RAB1A: variants seen among roughly 807,000 people sequenced by gnomAD.
RAB1A encodes ras-related protein Rab-1A.
In RAB1A, 2 loss-of-function variants were observed where a neutral mutation model predicts 26.0. That is an observed-to-expected ratio of 0.08 (90% CI 0.03 to 0.24). The LOEUF is 0.24. Among genes scored for constraint, RAB1A ranks in the 10% least tolerant of loss-of-function variants. The probability of loss-of-function intolerance (pLI) is 1.00; values close to 1 mark genes in which losing one functional copy is unlikely to be tolerated. For synonymous variants in RAB1A, 84 were observed against 84.9 expected, an observed-to-expected ratio of 0.99 and a Z score of 0.06; for missense variants, 100 against 247.0, an observed-to-expected ratio of 0.40 and a Z score of 3.99.
intron 2 of RAB1A, among the ~76,000 whole-genome samples, chr2:65,104,018 T>A (rs1461372527): frequency 6.6e-6 from 1 of 152,122 alleles, no homozygotes; most frequent in Admixed American, 6.5e-5. Flanking sequence ...GACCTTGTGA[T>A]CCGCCCGTCT....
chr2:65,100,915 G>C (rs1034373643), intron 2 of RAB1A, among the ~76,000 whole-genome samples: 2 of 151,994 alleles, frequency 1.3e-5, no homozygotes, highest in Non-Finnish European at 2.9e-5. Context: ...GGGAGCAGAG[G>C]TGCACATATC....
intron 3 of RAB1A, 56 bp downstream of exon 3, chr2:65,097,910 AACAAT>A (rs1463411852): frequency 6.3e-6 from 6 of 945,198 alleles, no homozygotes; most frequent in South Asian, 3.3e-5. Context: ...TATACAAAAT[AACAAT>A]ACATTACAAA....
At position 65,112,412 on chromosome 2, in the gene RAB1A, G is replaced by T. The variant is rs1331702469; in HGVS notation, c.24-7606C>A. 2.0e-5 allele frequency among the ~76,000 whole-genome samples: 3 copies of T among 152,082 alleles called. No homozygotes were observed. In the East Asian group the frequency reaches 5.8e-4, roughly 29 times the overall value. On this transcript the variant is annotated intron_variant, in intron 1 of 5. Transcript: ENST00000409784. ...TCCACCTGCCTCAGCCTCCCAAAGT[G>T]TTGGGATTATAGGCATAAGCCACCG...
chr2:65,088,556 A>C lies in RAB1A; in HGVS notation c.555T>G (p.Ala185=), dbSNP rs1164944011. The C allele has an allele frequency of 6.2e-7, 1 of 1,613,666 alleles. No individual in the cohort carries two copies. The highest frequency in any genetic ancestry group is 8.5e-7 in the Non-Finnish European group (1 of 1,179,784). ...TCTGAATTTTAACATTGGACTTCTCAGCACCACCAGCTGTTGCTCCGGGAC... is the reference window on the plus strand; with the variant it reads ...TCTGAATTTTAACATTGGACTTCTCCGCACCACCAGCTGTTGCTCCGGGAC... ...RMGPGATAGG[A]EKSNVKIQST... The change falls in exon 6 of 6, where the codon GCT becomes GCG. Residue 185 remains alanine (A), a synonymous_variant. Coordinates refer to ENST00000409784, the MANE Select transcript of RAB1A (RefSeq NM_004161.5).
At chr2:65,118,288 A>G (rs1052499315) in intron 1 of RAB1A, among the ~76,000 whole-genome samples, 3 of 152,178 alleles carry the variant, frequency 2.0e-5, no homozygotes, top group African/African-American at 7.2e-5. Flanking sequence ...CCGTAAACAT[A>G]TTACAATATT....
chr2:65,128,500 CACT>C (rs1294280209), intron 1 of RAB1A, among the ~76,000 whole-genome samples: 2 of 152,166 alleles, frequency 1.3e-5, no homozygotes, highest in Non-Finnish European at 2.9e-5. Context: ...CAGCAAATGT[CACT>C]ACAAGAACAC....
chr2:65,101,929 A>G (rs1192646189), intron 2 of RAB1A, among the ~76,000 whole-genome samples: 1 of 151,714 alleles, frequency 6.6e-6, no homozygotes, highest in African/African-American at 2.4e-5. Flanking sequence ...TTGTATTTTT[A>G]GTAGAGACAG....
At position 65,098,052 on chromosome 2, in the gene RAB1A, T is replaced by C. The variant is rs762591656; in HGVS notation, c.111A>G (p.Thr37=). Residue 37 remains threonine, a synonymous_variant, in exon 3 of 6, where the codon ACA becomes ACG. Transcript: ENST00000409784. ...LLLRFADDTY[T]ESYISTIGVD... ...CACCAATTGTGCTGATGTAGCTTTC[T>C]GTATATGTATCATCCTGAAGGGGGA... 3 of 1,552,598 alleles carry C rather than the reference T, an allele frequency of 1.9e-6. No individual in the cohort carries two copies. The highest frequency in any genetic ancestry group is 2.6e-6 in the Non-Finnish European group (3 of 1,140,780).
intron 1 of RAB1A, among the ~76,000 whole-genome samples, chr2:65,124,236 G>A (rs1186924897): frequency 6.6e-6 from 1 of 151,992 alleles, no homozygotes; most frequent in Non-Finnish European, 1.5e-5. Flanking sequence ...TGCCTGCCTC[G>A]GCCTCCCAAA....
At chr2:65,110,737 C>G (rs1669675793) in intron 1 of RAB1A, among the ~76,000 whole-genome samples, 2 of 151,528 alleles carry the variant, frequency 1.3e-5, no homozygotes, top group Non-Finnish European at 2.9e-5. Flanking sequence ...AGTTCAAGAC[C>G]AGCCTGAGCA....
chr2:65,118,164 A>G (rs886220046), intron 1 of RAB1A, among the ~76,000 whole-genome samples: 5 of 152,166 alleles, frequency 3.3e-5, no homozygotes, highest in African/African-American at 1.2e-4. Context: ...AGTGTTCTGG[A>G]GTCCTTCTGG....
chr2:65,112,206 C>T (rs1050194653), intron 1 of RAB1A, among the ~76,000 whole-genome samples: 3 of 148,730 alleles, frequency 2.0e-5, no homozygotes, highest in Non-Finnish European at 4.4e-5. Context: ...AGTGCAATGG[C>T]ATTATCTCAG....
intron 2 of RAB1A, among the ~76,000 whole-genome samples, chr2:65,100,605 C>T (rs1351291236): frequency 6.6e-6 from 1 of 150,786 alleles, no homozygotes; most frequent in East Asian, 2.0e-4. Context: ...ACTAAAAATA[C>T]AAAAAATTAG....
chr2:65,101,437 GTC>G (rs1363735524), intron 2 of RAB1A, among the ~76,000 whole-genome samples: 10 of 151,996 alleles, frequency 6.6e-5, no homozygotes, highest in Non-Finnish European at 2.9e-5. Context: ...CCTCACGATT[GTC>G]TCTATTAATA....
intron 2 of RAB1A, among the ~76,000 whole-genome samples, chr2:65,103,156 A>G (rs1449021332): frequency 6.6e-6 from 1 of 151,930 alleles, no homozygotes; most frequent in Non-Finnish European, 1.5e-5. Flanking sequence ...TCACTACAAA[A>G]AAATACAAAA....
At chr2:65,100,272 G>A (rs1363657300) in intron 2 of RAB1A, among the ~76,000 whole-genome samples, 3 of 151,396 alleles carry the variant, frequency 2.0e-5, no homozygotes, top group Non-Finnish European at 2.9e-5. Context: ...GTGGTGGCGG[G>A]CGCCTGTAAT....
intron 1 of RAB1A, chr2:65,114,275 G>T: frequency 4.0e-6 from 1 of 249,412 alleles, no homozygotes; most frequent in Non-Finnish European, 8.3e-6. Context: ...CCACCCTTTG[G>T]AAACATGCTA....
intron 3 of RAB1A, among the ~76,000 whole-genome samples, chr2:65,096,012 G>T (rs974630510): frequency 3.3e-5 from 5 of 152,180 alleles, no homozygotes; most frequent in African/African-American, 1.2e-4. Context: ...AATTAGCAGG[G>T]TGTGGTGGCG....
At chr2:65,119,647 C>G (rs965097873) in intron 1 of RAB1A, among the ~76,000 whole-genome samples, 2 of 150,886 alleles carry the variant, frequency 1.3e-5, no homozygotes, top group Non-Finnish European at 3.0e-5. Context: ...CACCCAGAAC[C>G]TGACCAAATA....
Sources: allele counts gnomAD v4.1 joint callset (sites outside exome capture counted in the v4.1 genomes callset), GRCh38; gene constraint gnomAD v4.1.1; transcripts MANE v1.5; gene names NCBI Gene and HGNC (gene_info 2026-07-23, HGNC 2026-07-21).